XPO4: variants seen among roughly 807,000 people sequenced by gnomAD.
The protein encoded by XPO4 is exportin 4.
Under a neutral mutation model 143.0 loss-of-function variants are expected in XPO4, and 39 were observed. That is an observed-to-expected ratio of 0.27 (90% CI 0.21 to 0.36). XPO4 has a LOEUF of 0.36. Among genes scored for constraint, XPO4 ranks in the 10% least tolerant of loss-of-function variants. The pLI, the probability that XPO4 is intolerant of heterozygous loss-of-function variation, is 1.00. For synonymous variants in XPO4, 439 were observed against 474.0 expected (o/e 0.93, Z 0.96); for missense variants, 907 against 1,348.0 (o/e 0.67, Z 5.12).
At chr13:20,834,202 A>C (rs2059888525) in intron 6 of XPO4, among the ~76,000 whole-genome samples, 1 of 152,188 alleles carries the variant, frequency 6.6e-6, no homozygotes, top group Admixed American at 6.5e-5. Flanking sequence ...AATAATCCTT[A>C]ACAAATATAA....
intron 18 of XPO4, among the ~76,000 whole-genome samples, chr13:20,790,845 T>C (rs1490206250): frequency 6.6e-6 from 1 of 152,054 alleles, no homozygotes; most frequent in African/African-American, 2.4e-5. Flanking sequence ...GATACAGAAG[T>C]ATTGGGGAGG....
chr13:20,784,362 G>A (rs181504235), intron 22 of XPO4, among the ~76,000 whole-genome samples: 2 of 152,158 alleles, frequency 1.3e-5, no homozygotes, highest in African/African-American at 2.4e-5. Context: ...ACCCAGTTCT[G>A]AGGACAGCAA....
chr13:20,890,256 C>T (rs945374692), intron 1 of XPO4, among the ~76,000 whole-genome samples: 1 of 151,638 alleles, frequency 6.6e-6, no homozygotes, highest in Non-Finnish European at 1.5e-5. Flanking sequence ...TCAAGACCAG[C>T]CTGTGCAACA....
chr13:20,878,169 C>T (rs2585891), intron 1 of XPO4, among the ~76,000 whole-genome samples: 99,972 of 151,908 alleles, frequency 0.66, 33,677 homozygotes, highest in East Asian at 1. Context: ...CCAGATGCCA[C>T]CTCAAAAAAA....
At position 20,778,829 on chromosome 13, in the gene XPO4, T is replaced by TC. The variant is rs1453787881; in HGVS notation, c.*4892dup. ...CATTTCAATGCATTTCATAAAAGAGTCTAGCTAAATACCCATGAACAAATC... is the reference window on the plus strand; with the variant it reads ...CATTTCAATGCATTTCATAAAAGAGTCCTAGCTAAATACCCATGAACAAATC... On this transcript the variant is annotated 3_prime_UTR_variant, in exon 23 of 23. Coordinates refer to ENST00000255305, the MANE Select transcript of XPO4 (RefSeq NM_022459.5). 6.6e-6 allele frequency: 1 copy of TC among 151,936 alleles called. No individual in the cohort carries two copies. Among genetic ancestry groups the TC allele is most frequent in the Non-Finnish European group, 1.5e-5 (1 of 67,992 alleles). 9.4% of individuals were successfully genotyped at this position (151,936 alleles called of 1,614,324 possible).
intron 13 of XPO4, among the ~76,000 whole-genome samples, chr13:20,806,093 G>A (rs2059500139): frequency 6.6e-6 from 1 of 152,094 alleles, no homozygotes; most frequent in African/African-American, 2.4e-5. Context: ...TAATATGACA[G>A]CACCCTGAAA....
chr13:20,830,318 G>C (rs1355061571), intron 6 of XPO4, among the ~76,000 whole-genome samples: 5 of 152,086 alleles, frequency 3.3e-5, no homozygotes, highest in African/African-American at 1.2e-4. Flanking sequence ...TGTTACTTTT[G>C]TTTTCCAATT....
rs2059160674 is a variant in XPO4, at chr13:20,783,148, T to C, written c.*574A>G. On this transcript the variant is annotated 3_prime_UTR_variant, in exon 23 of 23. Coordinates refer to ENST00000255305, the MANE Select transcript of XPO4 (RefSeq NM_022459.5). ...AAAGCACAAAACCTCTTAAGAGTTTTCAATGTCTCTTTCATTGATTCAAAA... is the reference window on the plus strand; with the variant it reads ...AAAGCACAAAACCTCTTAAGAGTTTCCAATGTCTCTTTCATTGATTCAAAA... 1.3e-5 allele frequency: 2 copies of C among 152,420 alleles called. No individual in the cohort carries two copies. Among genetic ancestry groups the C allele is most frequent in the South Asian group, 4.1e-4 (2 of 4,836 alleles). 9.4% of individuals were successfully genotyped at this position (152,420 alleles called of 1,614,324 possible).
In XPO4 at chr13:20,822,141, G is replaced by C; in HGVS notation, c.989C>G (p.Thr330Ser). The change falls in exon 8 of 23, where the codon ACT becomes AGT. Residue 330 changes from threonine (T) to serine (S), a missense_variant. By Grantham distance (58) the Thr-to-Ser change is moderately conservative (BLOSUM62 1). Coordinates refer to ENST00000255305, the MANE Select transcript of XPO4 (RefSeq NM_022459.5). ...LAHFIEGLLN[T>S]INGIEIEDSE... ...GGGCAAGTATACCTACCCATTGATA[G>C]TATTCAGTAATCCCTCAATGAAGTG... 6.2e-7 allele frequency: 1 copy of C among 1,611,948 alleles called. No homozygotes were observed. Among genetic ancestry groups the C allele is most frequent in the South Asian group, 1.1e-5 (1 of 90,514 alleles).
At chr13:20,894,511 A>C (rs974013441) in intron 1 of XPO4, among the ~76,000 whole-genome samples, 2 of 152,172 alleles carry the variant, frequency 1.3e-5, no homozygotes, top group African/African-American at 4.8e-5. Context: ...CATAAAAATA[A>C]TTGCAGGACA....
chr13:20,895,076 G>A (rs969528270), intron 1 of XPO4, among the ~76,000 whole-genome samples: 2 of 151,724 alleles, frequency 1.3e-5, no homozygotes, highest in Non-Finnish European at 2.9e-5. Flanking sequence ...TACTCTAGAG[G>A]CTGAAGCAGG....
intron 13 of XPO4, among the ~76,000 whole-genome samples, chr13:20,801,566 T>G (rs924429047): frequency 6.6e-6 from 1 of 152,236 alleles, no homozygotes; most frequent in African/African-American, 2.4e-5. Flanking sequence ...TAAGTACACA[T>G]ATTGTCCTTT....
intron 2 of XPO4, among the ~76,000 whole-genome samples, chr13:20,867,849 C>G (rs1034260041): frequency 6.6e-6 from 1 of 151,994 alleles, no homozygotes; most frequent in African/African-American, 2.4e-5. Context: ...AAGATGGCTC[C>G]CACTAAAAAA....
chr13:20,891,688 C>T (rs995640886), intron 1 of XPO4, among the ~76,000 whole-genome samples: 7 of 151,864 alleles, frequency 4.6e-5, no homozygotes, highest in African/African-American at 1.5e-4. Context: ...CATAGTGAAA[C>T]CCTGTCTCTA....
chr13:20,789,566 T>TTGTG (rs536564978), intron 19 of XPO4, among the ~76,000 whole-genome samples: 7 of 150,494 alleles, frequency 4.7e-5, no homozygotes, highest in African/African-American at 1.2e-4. Context: ...GGCTTTTTTT[T>TTGTG]TGTGTGTGTG....
intron 6 of XPO4, among the ~76,000 whole-genome samples, chr13:20,841,907 G>A (rs868527727): frequency 1.3e-5 from 2 of 151,230 alleles, no homozygotes; most frequent in Middle Eastern, 3.2e-3. Context: ...CAGACTCTCA[G>A]ATTAAAAACA....
rs760114209 is a variant in XPO4, at chr13:20,778,506, C to A, written c.*5216G>T. 6 of 152,044 alleles carry A rather than the reference C, an allele frequency of 3.9e-5. No homozygotes were observed. Among genetic ancestry groups the A allele is most frequent in the Non-Finnish European group, 5.9e-5 (4 of 67,990 alleles). 9.4% of individuals were successfully genotyped at this position (152,044 alleles called of 1,614,324 possible). ...GTAATTCACCACTTTCCCTGAAAGG[C>A]CAAAAAGAATGACTTGCTAAAAGTA... On this transcript the variant is annotated 3_prime_UTR_variant, in exon 23 of 23. Transcript: ENST00000255305.
At chr13:20,849,338 C>G (rs2060060917) in intron 4 of XPO4, 1 of 985,272 alleles carries the variant, frequency 1.0e-6, no homozygotes, top group Non-Finnish European at 1.2e-6. Context: ...ACCCACTTCT[C>G]TCTAGTATGG....
intron 3 of XPO4, among the ~76,000 whole-genome samples, chr13:20,861,777 C>CTCTCTTTTTTTTTTTTTTTTTTTTTT (rs1370810623): frequency 1.4e-5 from 1 of 73,394 alleles, no homozygotes; most frequent in Admixed American, 2.1e-4. Context: ...ACATTTCTCT[C>CTCTCTTTTTTTTTTTTTTTTTTTTTT]TTTTTTTTTT....
Sources: allele counts gnomAD v4.1 joint callset (sites outside exome capture counted in the v4.1 genomes callset), GRCh38; gene constraint gnomAD v4.1.1; transcripts MANE v1.5; gene names NCBI Gene and HGNC (gene_info 2026-07-23, HGNC 2026-07-21).